SLC25A26: variants seen among roughly 807,000 people sequenced by gnomAD.
SLC25A26 encodes mitochondrial S-adenosylmethionine carrier protein.
Under a neutral mutation model 37.8 loss-of-function variants are expected in SLC25A26, and 36 were observed. The ratio of observed to expected loss-of-function variants is 0.95; its 90% CI spans 0.73 to 1.26. The LOEUF is 1.26. Ranked by LOEUF, SLC25A26 falls within the 50% of genes most tolerant of loss-of-function variation. The pLI, the probability that SLC25A26 is intolerant of heterozygous loss-of-function variation, is 0.00. For missense variants in SLC25A26, 390 were observed against 331.1 expected (o/e 1.18, Z -1.38); for synonymous variants, 129 against 122.5 (o/e 1.05, Z -0.35).
intron 5 of SLC25A26, among the ~76,000 whole-genome samples, chr3:66,297,933 T>C (rs993928974): frequency 1.3e-5 from 2 of 152,240 alleles, no homozygotes; most frequent in African/African-American, 2.4e-5. Flanking sequence ...TTAAAGGATA[T>C]AGCATATCAT....
intron 1 of SLC25A26, among the ~76,000 whole-genome samples, chr3:66,179,192 T>C (rs143304159): frequency 0.15 from 22,831 of 152,186 alleles, 2,179 homozygotes; most frequent in African/African-American, 0.27. Flanking sequence ...GCTTTAAATG[T>C]TTTTAAATGA....
intron 1 of SLC25A26, among the ~76,000 whole-genome samples, chr3:66,208,865 T>TGC (rs2071221048): frequency 5.9e-5 from 1 of 17,002 alleles, no homozygotes; most frequent in African/African-American, 8.0e-5. Context: ...TTTATATGGG[T>TGC]GTGTGTATAT....
chr3:66,287,639 A>C (rs531096349), intron 5 of SLC25A26, among the ~76,000 whole-genome samples: 1 of 152,202 alleles, frequency 6.6e-6, no homozygotes. Flanking sequence ...AATAATTTCA[A>C]CATTCACCTA....
At chr3:66,223,418 T>C (rs2071591531) in intron 1 of SLC25A26, among the ~76,000 whole-genome samples, 1 of 152,126 alleles carries the variant, frequency 6.6e-6, no homozygotes, top group Non-Finnish European at 1.5e-5. Flanking sequence ...GGTGGGGCTT[T>C]ATGGGCTAGG....
At chr3:66,344,167 A>G (rs1246349759) in intron 5 of SLC25A26, among the ~76,000 whole-genome samples, 2 of 152,210 alleles carry the variant, frequency 1.3e-5, no homozygotes, top group Non-Finnish European at 2.9e-5. Context: ...AGTAAGACAG[A>G]TGATGCTAAT....
chr3:66,184,585 C>CTGCTCGCCTTGAGTTTACTATGTATTACA (rs2070779488), intron 1 of SLC25A26, among the ~76,000 whole-genome samples: 2 of 128,136 alleles, frequency 1.6e-5, no homozygotes, highest in African/African-American at 2.9e-5. Context: ...TCACCTGACT[C>CTGCTCGCCTTGAGTTTACTATGTATTACA]TGCTCACCTT....
intron 9 of SLC25A26, among the ~76,000 whole-genome samples, chr3:66,372,035 G>T (rs1700371819): frequency 2.0e-5 from 3 of 152,224 alleles, no homozygotes; most frequent in Admixed American, 6.5e-5. Context: ...CGAGGTTATA[G>T]TGAGTTACAA....
intron 2 of SLC25A26, among the ~76,000 whole-genome samples, chr3:66,239,126 C>T (rs187955803): frequency 1.3e-5 from 2 of 152,204 alleles, no homozygotes; most frequent in Admixed American, 1.3e-4. Context: ...ATTCCTTCTT[C>T]TACATCTTCT....
intron 1 of SLC25A26, among the ~76,000 whole-genome samples, chr3:66,213,759 A>C (rs1167647930): frequency 6.6e-6 from 1 of 152,014 alleles, no homozygotes; most frequent in Non-Finnish European, 1.5e-5. Flanking sequence ...TTAACTGCCA[A>C]AAAATTCTCT....
At chr3:66,237,099 A>G (rs547546147) in intron 2 of SLC25A26, among the ~76,000 whole-genome samples, 149 of 152,306 alleles carry the variant, frequency 9.8e-4, no homozygotes, top group African/African-American at 3.3e-3. Flanking sequence ...GGGCTCCCCA[A>G]AGTGCTGGGA....
At chr3:66,258,844 C>CTTTTTT (rs3031757) in intron 3 of SLC25A26, among the ~76,000 whole-genome samples, 1 of 138,238 alleles carries the variant, frequency 7.2e-6, no homozygotes, top group African/African-American at 2.6e-5. Context: ...CTTTCCTTTT[C>CTTTTTT]TTTTTTTTTT....
At chr3:66,151,583 C>A (rs1576597999) in intron 1 of SLC25A26, among the ~76,000 whole-genome samples, 1 of 152,206 alleles carries the variant, frequency 6.6e-6, no homozygotes, top group Non-Finnish European at 1.5e-5. Flanking sequence ...ACTCTCTGCA[C>A]CCCATGCTCT....
intron 1 of SLC25A26, among the ~76,000 whole-genome samples, chr3:66,208,652 C>A (rs1219682405): frequency 1.5e-4 from 4 of 26,002 alleles, no homozygotes; most frequent in African/African-American, 3.0e-4. Context: ...ACACACACAC[C>A]TTTATATGGG....
intron 5 of SLC25A26, among the ~76,000 whole-genome samples, chr3:66,278,097 G>T (rs188470279): frequency 5.3e-5 from 8 of 152,166 alleles, no homozygotes; most frequent in Admixed American, 3.9e-4. Context: ...CAGCAAAACT[G>T]GTAGCTGGTT....
chr3:66,373,408 T>A (rs897474068), intron 9 of SLC25A26, among the ~76,000 whole-genome samples: 15 of 152,190 alleles, frequency 9.9e-5, no homozygotes, highest in Non-Finnish European at 1.9e-4. Context: ...ATAAACTGCT[T>A]CCATCTGTGT....
chr3:66,274,130 A>G (rs1281255138), intron 5 of SLC25A26, among the ~76,000 whole-genome samples: 2 of 151,844 alleles, frequency 1.3e-5, no homozygotes, highest in Admixed American at 1.3e-4. Flanking sequence ...GACAAACCTG[A>G]GAAAAACAAG....
chr3:66,275,566 A>T (rs781461937), intron 5 of SLC25A26, among the ~76,000 whole-genome samples: 1 of 152,098 alleles, frequency 6.6e-6, no homozygotes, highest in Non-Finnish European at 1.5e-5. Context: ...ACTTAATCAT[A>T]CTTGCTTCTC....
At chr3:66,290,824 C>T (rs952211901) in intron 5 of SLC25A26, among the ~76,000 whole-genome samples, 1 of 152,088 alleles carries the variant, frequency 6.6e-6, no homozygotes, top group Non-Finnish European at 1.5e-5. Flanking sequence ...TGATGTTGGC[C>T]TCATAAAATG....
At chr3:66,231,686 T>G (rs940596776) in intron 1 of SLC25A26, among the ~76,000 whole-genome samples, 1 of 152,142 alleles carries the variant, frequency 6.6e-6, no homozygotes, top group Non-Finnish European at 1.5e-5. Flanking sequence ...TTATATAGCA[T>G]ATATTGTTTT....
Sources: allele counts gnomAD v4.1 joint callset (sites outside exome capture counted in the v4.1 genomes callset), GRCh38; gene constraint gnomAD v4.1.1; transcripts MANE v1.5; gene names NCBI Gene and HGNC (gene_info 2026-07-23, HGNC 2026-07-21).